SF3B1: variants seen among roughly 807,000 people sequenced by gnomAD.
SF3B1 encodes the protein splicing factor 3b subunit 1.
A neutral mutation model predicts 153.8 loss-of-function variants in SF3B1; 12 were observed. The ratio of observed to expected loss-of-function variants is 0.08; its 90% CI spans 0.05 to 0.13. The LOEUF (loss-of-function observed/expected upper bound fraction) is 0.13. Among genes scored for constraint, SF3B1 ranks in the 10% least tolerant of loss-of-function variants. SF3B1 has a pLI of 1.00. For synonymous variants in SF3B1, 498 were observed against 525.2 expected, an observed-to-expected ratio of 0.95 and a Z score of 0.71; for missense variants, 513 against 1,606.1, an observed-to-expected ratio of 0.32 and a Z score of 11.63.
chr2:197,422,886 A>T (rs1435878204), intron 2 of SF3B1, among the ~76,000 whole-genome samples: 2 of 152,142 alleles, frequency 1.3e-5, no homozygotes, highest in African/African-American at 2.4e-5. Flanking sequence ...TGAGACGAAA[A>T]AAAAAAACCA....
At chr2:197,408,260 T>C (rs2085020846) in intron 8 of SF3B1, 109 bp downstream of exon 8, 1 of 1,270,284 alleles carries the variant, frequency 7.9e-7, no homozygotes, top group African/African-American at 1.5e-5. Context: ...TTTGTATATC[T>C]CCTTATTCTT....
At chr2:197,432,460 A>C (rs1360513921) in intron 1 of SF3B1, among the ~76,000 whole-genome samples, 1 of 152,364 alleles carries the variant, frequency 6.6e-6, no homozygotes, top group East Asian at 1.9e-4. Flanking sequence ...ATTTTATCTG[A>C]TTTGAGTAAT....
chr2:197,435,037 C>T (rs540307525), upstream of SF3B1: 23 of 1,614,160 alleles, frequency 1.4e-5, no homozygotes, highest in East Asian at 4.9e-4. Context: ...CTGGCGCTCC[C>T]AAGAACTTCC....
chr2:197,409,123 G>C (rs1367070547), intron 7 of SF3B1, among the ~76,000 whole-genome samples: 1 of 152,148 alleles, frequency 6.6e-6, no homozygotes, highest in African/African-American at 2.4e-5. Flanking sequence ...CCAGGGGCCG[G>C]AAGCGGTGGC....
chr2:197,409,680 G>A lies in SF3B1; in HGVS notation c.904+90C>T, dbSNP rs758308327. On this transcript the variant is annotated intron_variant, in intron 7 of 24. Transcript: ENST00000335508. ...CCCAAAAGCAGCTGGTTATTTATACGTGTCCACCCAGGAATAAACAGAACA... is the reference window on the plus strand; with the variant it reads ...CCCAAAAGCAGCTGGTTATTTATACATGTCCACCCAGGAATAAACAGAACA... 8.1e-5 allele frequency: 80 copies of A among 990,700 alleles called. No individual in the cohort carries two copies. The African/African-American group carries it at 9.1e-4, about 11-fold the overall frequency. 61.4% of individuals were successfully genotyped at this position (990,700 alleles called of 1,614,324 possible). A position where few individuals can be genotyped will look rare whatever the true frequency, so the allele number is the denominator to read the frequency against.
chr2:197,419,264 GT>G, intron 4 of SF3B1: 1 of 339,396 alleles, frequency 2.9e-6, no homozygotes, highest in Non-Finnish European at 5.4e-6. Context: ...ACTTCTACCA[GT>G]TATTATGATG....
At position 197,392,396 on chromosome 2, in the gene SF3B1, A is replaced by T. The variant is rs2084819223; in HGVS notation, c.3822T>A (p.Ile1274=). The T allele has an allele frequency of 6.2e-7, 1 of 1,612,964 alleles. No individual in the cohort carries two copies. The highest frequency in any genetic ancestry group is 8.5e-7 in the Non-Finnish European group (1 of 1,179,058). Reference sequence around the variant, plus strand: ...GTGCTATGAGAGCGTCCTGGGAACCAATGTAGATGGAGTTGTAAATTTTCC... The same window carrying T: ...GTGCTATGAGAGCGTCCTGGGAACCTATGTAGATGGAGTTGTAAATTTTCC... ...VYWKIYNSIY[I]GSQDALIAHY... The change falls in exon 25 of 25, where the codon ATT becomes ATA. Residue 1274 remains isoleucine, a synonymous_variant. Coordinates refer to ENST00000335508, the MANE Select transcript of SF3B1 (RefSeq NM_012433.4).
intron 24 of SF3B1, 114 bp from the exon 25 acceptor site, chr2:197,392,575 G>GGGC (rs1553563328): frequency 1.9e-5 from 6 of 314,710 alleles, no homozygotes; most frequent in Non-Finnish European, 3.6e-5. Flanking sequence ...GGAGTTGGGG[G>GGGC]GGGGGGAACC....
At position 197,417,595 on chromosome 2, in the gene SF3B1, A is replaced by AAAAT. The variant is rs1553565956; in HGVS notation, c.496-685_496-684insATTT. On this transcript the variant is annotated intron_variant, in intron 5 of 24. Coordinates refer to ENST00000335508, the MANE Select transcript of SF3B1 (RefSeq NM_012433.4). ...TCTACTAAAAAAAAAAAAAAAAAAAAGAAATATGAAAATTAGCCAGGCATG... is the reference window on the plus strand; with the variant it reads ...TCTACTAAAAAAAAAAAAAAAAAAAAAAATGAAATATGAAAATTAGCCAGGCATG... Among the ~76,000 whole-genome samples the AAAAT allele has an allele frequency of 4.7e-5, 7 of 149,742 alleles. No homozygotes were observed. In the South Asian group the frequency reaches 8.5e-4, roughly 18 times the overall value.
chr2:197,420,362 A>G (rs768281030), intron 4 of SF3B1, 66 bp downstream of exon 4: 1 of 1,227,048 alleles, frequency 8.1e-7, no homozygotes. Flanking sequence ...AAAAAAATCA[A>G]AGGGCTAAAG....
chr2:197,404,118 C>T lies in SF3B1; in HGVS notation c.1540-354G>A, dbSNP rs559744877. Reference sequence around the variant, plus strand: ...TCAAGCTTTAAGCATATTTTAAAGGCCTTAAGAACAAAAAGGAGAATCTCA... The same window carrying T: ...TCAAGCTTTAAGCATATTTTAAAGGTCTTAAGAACAAAAAGGAGAATCTCA... On this transcript the variant is annotated intron_variant, in intron 11 of 24. Transcript: ENST00000335508. Among the ~76,000 whole-genome samples, 6 of 152,196 alleles carry T rather than the reference C, an allele frequency of 3.9e-5. No homozygotes were observed. The South Asian group carries it at 1.2e-3, about 32-fold the overall frequency.
At chr2:197,398,257 G>T in intron 21 of SF3B1, 141 bp from the exon 22 acceptor site, 2 of 856,120 alleles carry the variant, frequency 2.3e-6, no homozygotes, top group Non-Finnish European at 3.7e-6. Context: ...AGGCTGAAGA[G>T]TTAGTCTTAC....
At chr2:197,426,813 A>G (rs372869854) in intron 1 of SF3B1, among the ~76,000 whole-genome samples, 1 of 151,946 alleles carries the variant, frequency 6.6e-6, no homozygotes, top group Non-Finnish European at 1.5e-5. Flanking sequence ...CACCCCTACC[A>G]AATTTTCCAA....
intron 2 of SF3B1, among the ~76,000 whole-genome samples, chr2:197,422,715 C>A (rs1328042030): frequency 1.3e-5 from 2 of 151,710 alleles, no homozygotes; most frequent in East Asian, 3.9e-4. Context: ...ACGGTGAAAC[C>A]CCGTCTCTAC....
At chr2:197,420,225 C>T in intron 4 of SF3B1, 4 of 459,986 alleles carry the variant, frequency 8.7e-6, no homozygotes, top group Non-Finnish European at 1.6e-5. Context: ...TTTTCTTGTC[C>T]TTCTACCTGG....
chr2:197,397,406 T>G (rs2084888234), intron 22 of SF3B1, among the ~76,000 whole-genome samples: 1 of 152,224 alleles, frequency 6.6e-6, no homozygotes, highest in African/African-American at 2.4e-5. Flanking sequence ...GCACACATTT[T>G]AAATTTTTCT....
At chr2:197,408,266 T>C in intron 8 of SF3B1, 103 bp downstream of exon 8, 1 of 1,300,794 alleles carries the variant, frequency 7.7e-7, no homozygotes, top group Non-Finnish European at 1.1e-6. Flanking sequence ...TATCTCCTTA[T>C]TCTTACTAGA....
chr2:197,398,325 T>G, intron 21 of SF3B1, 136 bp downstream of exon 21: 1 of 1,046,236 alleles, frequency 9.6e-7, no homozygotes, highest in Non-Finnish European at 1.4e-6. Flanking sequence ...GAAATTTGAC[T>G]GAAAATATTA....
intron 22 of SF3B1, among the ~76,000 whole-genome samples, chr2:197,397,208 G>A (rs529503964): frequency 1.9e-3 from 294 of 152,080 alleles, no homozygotes; most frequent in Non-Finnish European, 3.5e-3. Context: ...TCGCCCTGTC[G>A]CCCAGGTGCC....
Sources: allele counts gnomAD v4.1 joint callset (sites outside exome capture counted in the v4.1 genomes callset), GRCh38; gene constraint gnomAD v4.1.1; transcripts MANE v1.5; gene names NCBI Gene and HGNC (gene_info 2026-07-23, HGNC 2026-07-21).